XRCC4: variants seen among roughly 807,000 people sequenced by gnomAD.
XRCC4 encodes the protein DNA repair protein XRCC4.
XRCC4 carries 28 observed loss-of-function variants against 39.1 expected under a neutral mutation model. The observed-to-expected ratio is 0.72, with a 90% CI of 0.53 to 0.98. The LOEUF is 0.98. Ranked by LOEUF, XRCC4 falls within the 50% of genes least tolerant of loss-of-function variation. XRCC4 has a pLI of 0.00. For missense variants in XRCC4, 350 were observed against 376.4 expected (o/e 0.93, Z 0.58); for synonymous variants, 123 against 126.4 (o/e 0.97, Z 0.18).
chr5:83,159,270 A>G (rs1030787816), intron 3 of XRCC4, among the ~76,000 whole-genome samples: 1 of 152,138 alleles, frequency 6.6e-6, no homozygotes, highest in Non-Finnish European at 1.5e-5. Flanking sequence ...CAAGGCAGTA[A>G]TTCCTTTCTT....
At chr5:83,137,121 C>T (rs1747938141) in intron 3 of XRCC4, among the ~76,000 whole-genome samples, 1 of 151,952 alleles carries the variant, frequency 6.6e-6, no homozygotes, top group African/African-American at 2.4e-5. Context: ...AACAAGTAAC[C>T]AATTGAAAAA....
rs34789998 is a variant in XRCC4, at chr5:83,291,951, CTGTGTGTGTGTG to C, written c.893+33298_893+33309del. ...TACTATATATGTTATATGTGTATTT[CTGTGTGTGTGTG>C]TGTGTGTGTGTGTGTGTGTGTGTAT... On this transcript the variant is annotated intron_variant, in intron 7 of 7. Transcript: ENST00000396027. 6.4e-3 allele frequency among the ~76,000 whole-genome samples: 917 copies of C among 144,016 alleles called. 10 individuals are homozygous for C. Among genetic ancestry groups the C allele is most frequent in the African/African-American group, 0.022 (858 of 39,838 alleles). The allele number at this position is 144,016 out of a possible 152,430, so 94.5% of individuals were successfully genotyped here.
chr5:83,135,714 G>C (rs903951091), intron 3 of XRCC4, among the ~76,000 whole-genome samples: 6 of 151,768 alleles, frequency 4.0e-5, no homozygotes, highest in African/African-American at 7.3e-5. Context: ...TTTGTCTAAT[G>C]TGTTGTTTTT....
intron 7 of XRCC4, among the ~76,000 whole-genome samples, chr5:83,277,538 AC>A (rs1292572936): frequency 6.6e-6 from 1 of 152,182 alleles, no homozygotes; most frequent in Non-Finnish European, 1.5e-5. Flanking sequence ...ACTGTATATA[AC>A]CCGACCTATT....
chr5:83,108,942 T>C lies in XRCC4; in HGVS notation c.140-2086T>C, dbSNP rs188155732. On this transcript the variant is annotated intron_variant, in intron 2 of 7. Transcript: ENST00000396027. ...TCATATTAAATGTGTCCACTTCCAA[T>C]AGAGAAAATGTGAAAGTGTTTTAGA... Among the ~76,000 whole-genome samples the C allele has an allele frequency of 5.9e-5, 9 of 151,436 alleles. No homozygotes were observed. In the East Asian group the frequency reaches 1.5e-3, roughly 26 times the overall value.
intron 3 of XRCC4, among the ~76,000 whole-genome samples, chr5:83,178,230 C>A (rs1442329025): frequency 6.6e-6 from 1 of 151,840 alleles, no homozygotes; most frequent in Non-Finnish European, 1.5e-5. Flanking sequence ...AATTTGAGGA[C>A]CTTTTGCGAC....
intron 7 of XRCC4, among the ~76,000 whole-genome samples, chr5:83,267,599 G>A (rs1033279544): frequency 3.3e-5 from 5 of 152,300 alleles, no homozygotes; most frequent in Admixed American, 6.5e-5. Flanking sequence ...CATGGTAGGA[G>A]ATGGGAAAGC....
At chr5:83,301,532 C>A (rs1755285096) in intron 7 of XRCC4, among the ~76,000 whole-genome samples, 1 of 152,112 alleles carries the variant, frequency 6.6e-6, no homozygotes, top group African/African-American at 2.4e-5. Flanking sequence ...TTTACCTGTT[C>A]ACTCTGATGA....
chr5:83,214,312 A>G (rs1418522692), intron 6 of XRCC4, among the ~76,000 whole-genome samples: 4 of 152,232 alleles, frequency 2.6e-5, no homozygotes, highest in Non-Finnish European at 5.9e-5. Flanking sequence ...TACGGAATTC[A>G]CTAAAAAACT....
chr5:83,214,107 A>C (rs962005857), intron 6 of XRCC4, among the ~76,000 whole-genome samples: 1 of 152,208 alleles, frequency 6.6e-6, no homozygotes, highest in African/African-American at 2.4e-5. Flanking sequence ...CACATACTTA[A>C]TGGTGAAATA....
intron 3 of XRCC4, among the ~76,000 whole-genome samples, chr5:83,189,997 G>A (rs867877507): frequency 4.6e-5 from 7 of 152,154 alleles, no homozygotes; most frequent in African/African-American, 1.7e-4. Context: ...CCAGGAGGCG[G>A]AGCTTGCAAT....
intron 3 of XRCC4, among the ~76,000 whole-genome samples, chr5:83,164,332 A>G (rs1749356999): frequency 6.6e-6 from 1 of 152,290 alleles, no homozygotes; most frequent in Non-Finnish European, 1.5e-5. Context: ...CTTTTAAATA[A>G]TAATATTTTC....
At chr5:83,297,244 T>C (rs928870317) in intron 7 of XRCC4, among the ~76,000 whole-genome samples, 1 of 151,972 alleles carries the variant, frequency 6.6e-6, no homozygotes, top group African/African-American at 2.4e-5. Context: ...TGATAAAATA[T>C]TTAAAACAAG....
chr5:83,271,826 A>G (rs897355064), intron 7 of XRCC4, among the ~76,000 whole-genome samples: 2 of 152,182 alleles, frequency 1.3e-5, no homozygotes, highest in Non-Finnish European at 1.5e-5. Context: ...TGGGAAACAT[A>G]TATCTCCTTT....
At chr5:83,232,665 C>CA (rs765045966) in intron 6 of XRCC4, among the ~76,000 whole-genome samples, 1 of 151,874 alleles carries the variant, frequency 6.6e-6, no homozygotes, top group East Asian at 1.9e-4. Context: ...ATCTCTCTTC[C>CA]AAAAAAATAT....
chr5:83,295,709 C>A (rs1391637276), intron 7 of XRCC4, among the ~76,000 whole-genome samples: 1 of 150,350 alleles, frequency 6.7e-6, no homozygotes, highest in South Asian at 2.1e-4. Context: ...GTAACACACA[C>A]ACACATGCAC....
At chr5:83,080,543 T>A (rs982836306) in intron 1 of XRCC4, among the ~76,000 whole-genome samples, 1 of 147,116 alleles carries the variant, frequency 6.8e-6, no homozygotes, top group South Asian at 2.2e-4. Flanking sequence ...AAAAAAAAAA[T>A]TCCAGAAATA....
At chr5:83,367,262 A>G in the XRCC4 span, among the ~76,000 whole-genome samples, 1 of 152,350 alleles carries the variant, frequency 6.6e-6, no homozygotes, top group Admixed American at 6.5e-5. Flanking sequence ...CTAAAGTACA[A>G]CATCAGACTC....
At chr5:83,105,866 T>G (rs1248197223) in intron 2 of XRCC4, among the ~76,000 whole-genome samples, 1 of 152,152 alleles carries the variant, frequency 6.6e-6, no homozygotes, top group Non-Finnish European at 1.5e-5. Context: ...TTAGAAATAT[T>G]TCTCTAGAAT....
Sources: allele counts gnomAD v4.1 joint callset (sites outside exome capture counted in the v4.1 genomes callset), GRCh38; gene constraint gnomAD v4.1.1; transcripts MANE v1.5; gene names NCBI Gene and HGNC (gene_info 2026-07-23, HGNC 2026-07-21).